The following DLGAP5 variants were observed in gnomAD, a reference collection of about 807,000 sequenced individuals.
DLGAP5 encodes disks large-associated protein 5.
DLGAP5 carries 90 observed loss-of-function variants against 99.6 expected under a neutral mutation model. The ratio of observed to expected loss-of-function variants is 0.90; its 90% CI spans 0.76 to 1.08. DLGAP5 has a LOEUF of 1.08. Ranked by LOEUF, DLGAP5 falls within the 50% of genes least tolerant of loss-of-function variation. The probability of loss-of-function intolerance (pLI) is 0.00; values close to 1 mark genes in which losing one functional copy is unlikely to be tolerated. For synonymous variants in DLGAP5, 311 were observed against 321.3 expected (o/e 0.97, Z 0.34); for missense variants, 1,036 against 983.5 (o/e 1.05, Z -0.71).
chr14:55,186,194 C>A (rs915922772), intron 2 of DLGAP5, among the ~76,000 whole-genome samples: 5 of 152,136 alleles, frequency 3.3e-5, no homozygotes, highest in Admixed American at 2.6e-4. Context: ...TCACTTGAAC[C>A]CGGGAGGCAG....
intron 16 of DLGAP5, among the ~76,000 whole-genome samples, 161 bp downstream of exon 16, chr14:55,152,429 G>GT (rs1882050824): frequency 6.6e-6 from 1 of 152,148 alleles, no homozygotes; most frequent in African/African-American, 2.4e-5. Flanking sequence ...TGACACTATG[G>GT]TTTTAAACAA....
In DLGAP5 at chr14:55,152,645, C is replaced by A; in HGVS notation, c.2066G>T (p.Ser689Ile). ...TLFLSIPESRSSIEDAQCPGL... is the reference protein window; with the variant it reads ...TLFLSIPESRISIEDAQCPGL... ...AGGACACTGAGCATCTTCTATGCTG[C>A]TCCTAAAGAAGAAAAAAAGCAGCAT... The change falls in exon 16 of 19, where the codon AGC (serine) becomes ATC (isoleucine). Residue 689 changes from serine (S) to isoleucine (I), a missense_variant and splice_region_variant. Ser to Ile is a moderately radical substitution (Grantham distance 142, BLOSUM62 -2). Transcript: ENST00000247191. 1 of 1,594,448 alleles carries A rather than the reference C, an allele frequency of 6.3e-7. No individual in the cohort carries two copies.
chr14:55,152,046 C>T (rs1882037628), intron 16 of DLGAP5, 105 bp from the exon 17 acceptor site: 1 of 1,050,204 alleles, frequency 9.5e-7, no homozygotes, highest in African/African-American at 1.6e-5. Flanking sequence ...AGGATGACAT[C>T]CCGGACACAG....
At chr14:55,168,110 C>T (rs1334278784) in intron 12 of DLGAP5, among the ~76,000 whole-genome samples, 6 of 152,090 alleles carry the variant, frequency 3.9e-5, no homozygotes, top group African/African-American at 1.4e-4. Flanking sequence ...CATGTGCAAC[C>T]ATGCCTGGCT....
chr14:55,158,892 T>C (rs1594666029), intron 13 of DLGAP5, 151 bp from the exon 14 acceptor site: 2 of 632,908 alleles, frequency 3.2e-6, no homozygotes, highest in East Asian at 2.8e-5. Flanking sequence ...ATCAAGTTCC[T>C]AGTATGTGCT....
rs1273090120 is a variant in DLGAP5, at chr14:55,191,550, A to G, written c.-89T>C. The G allele has an allele frequency of 2.6e-4, 40 of 152,516 alleles. No individual in the cohort carries two copies. The highest frequency in any genetic ancestry group is 4.4e-5 in the Non-Finnish European group (3 of 68,042). The allele number at this position is 152,516 out of a possible 1,614,324, so 9.4% of individuals were successfully genotyped here. On this transcript the variant is annotated 5_prime_UTR_variant, in exon 1 of 19. Transcript: ENST00000247191. ...GACCACCGCCGACTCCGAAGCAGGA[A>G]CCCTCACAACCCGAGCCTCCACGAA...
At chr14:55,167,220 C>A (rs1301204632) in intron 12 of DLGAP5, among the ~76,000 whole-genome samples, 17 of 149,302 alleles carry the variant, frequency 1.1e-4, no homozygotes, top group Non-Finnish European at 5.9e-5. Flanking sequence ...CGCCACCGCT[C>A]TCCAGCCTGG....
At position 55,151,732 on chromosome 14, in the gene DLGAP5, G is replaced by A; in HGVS notation, c.2331C>T (p.Ser777=). The A allele has an allele frequency of 6.2e-7, 1 of 1,613,694 alleles. No homozygotes were observed. The highest frequency in any genetic ancestry group is 8.5e-7 in the Non-Finnish European group (1 of 1,179,860). The change falls in exon 17 of 19, where the codon AGC becomes AGT. Residue 777 remains serine, a synonymous_variant. Transcript: ENST00000247191. ...SPEKNTASQN[S]ILEEGETKIS... ...TTTTAGTTTCCCCTTCTTCTAAGATGCTATTTTGTGAAGCTGTATTTTTTT... is the reference window on the plus strand; with the variant it reads ...TTTTAGTTTCCCCTTCTTCTAAGATACTATTTTGTGAAGCTGTATTTTTTT...
chr14:55,158,590 T>C lies in DLGAP5; in HGVS notation c.1805A>G (p.Lys602Arg), dbSNP rs754238015. 2.5e-5 allele frequency: 40 copies of C among 1,614,034 alleles called. No homozygotes were observed. The highest frequency in any genetic ancestry group is 3.1e-5 in the Non-Finnish European group (37 of 1,180,022). The stretch of plus-strand genomic sequence containing the variant: ...ATCGAACACTATTTTATCAACTTCC[T>C]TTGGTATCACAGAAACTGCTGTTTC... ...CAETAVSVIP[K>R]EVDKIVFDAG... is the part of the protein sequence containing the mutation. The change falls in exon 14 of 19, where the codon AAG becomes AGG. Residue 602 changes from lysine to arginine, a missense_variant. Transcript: ENST00000247191.
chr14:55,159,659 G>C (rs1026807094), intron 13 of DLGAP5, among the ~76,000 whole-genome samples: 7 of 152,142 alleles, frequency 4.6e-5, no homozygotes, highest in Non-Finnish European at 1.0e-4. Flanking sequence ...GATGCTGTCA[G>C]TTTGGGATAT....
chr14:55,186,625 TCTACAGA>T (rs1476269841), intron 2 of DLGAP5, among the ~76,000 whole-genome samples: 1 of 152,148 alleles, frequency 6.6e-6, no homozygotes, highest in Non-Finnish European at 1.5e-5. Context: ...CTCCATGTTT[TCTACAGA>T]CTACAAATTA....
rs375996766 is a variant in DLGAP5, at chr14:55,154,783, G to T, written c.1897C>A (p.Pro633Thr). ...TTAGGTGTTCCAAGTCTTTGAGAAG[G>T]GCCTTCAGAAGAGACAGAAAGTCCT... ...FSGLSVSSEG[P>T]SQRLGTPKSV... Residue 633 changes from proline to threonine, a missense_variant, in exon 15 of 19, where the codon CCT becomes ACT. Coordinates refer to ENST00000247191, the MANE Select transcript of DLGAP5 (RefSeq NM_014750.5). 2 of 1,613,856 alleles carry T rather than the reference G, an allele frequency of 1.2e-6. No individual in the cohort carries two copies. Among genetic ancestry groups the T allele is most frequent in the African/African-American group, 1.3e-5 (1 of 74,888 alleles).
At chr14:55,181,447 T>C in intron 4 of DLGAP5, 150 bp from the exon 5 acceptor site, 1 of 615,058 alleles carries the variant, frequency 1.6e-6, no homozygotes, top group East Asian at 3.0e-5. Flanking sequence ...TAAAATGAGA[T>C]AAAGAAAAGC....
At chr14:55,181,192 A>G (rs745694092) in intron 5 of DLGAP5, 21 bp downstream of exon 5, 35 of 1,603,310 alleles carry the variant, frequency 2.2e-5, no homozygotes, top group Non-Finnish European at 2.7e-5. Context: ...GAGGATTTAT[A>G]GTAATTGCTA....
intron 5 of DLGAP5, 107 bp from the exon 6 acceptor site, chr14:55,180,885 G>A (rs865901559): frequency 9.2e-6 from 13 of 1,410,566 alleles, no homozygotes; most frequent in Middle Eastern, 3.8e-4. Context: ...CTACTTGGGA[G>A]GCAGGAGGAT....
chr14:55,151,810 T>A lies in DLGAP5; in HGVS notation c.2253A>T (p.Gly751=). 1 of 1,614,066 alleles carries A rather than the reference T, an allele frequency of 6.2e-7. No individual in the cohort carries two copies. The highest frequency in any genetic ancestry group is 8.5e-7 in the Non-Finnish European group (1 of 1,179,980). Reference sequence around the variant, plus strand: ...ATGTAATTGAAGAATTCAGTTCCATTCCTTCCACAACATCTGAAATTCCTT... The same window carrying A: ...ATGTAATTGAAGAATTCAGTTCCATACCTTCCACAACATCTGAAATTCCTT... ...KKEGISDVVE[G]MELNSSITSQ... Residue 751 remains glycine (G), a synonymous_variant, in exon 17 of 19, where the codon GGA becomes GGT. Coordinates refer to ENST00000247191, the MANE Select transcript of DLGAP5 (RefSeq NM_014750.5).
chr14:55,190,732 C>A (rs534439276), intron 1 of DLGAP5, among the ~76,000 whole-genome samples: 41 of 152,304 alleles, frequency 2.7e-4, no homozygotes, highest in African/African-American at 9.4e-4. Context: ...GTCTGACCTG[C>A]ATGCTAATAA....
rs1432337872 is a variant in DLGAP5, at chr14:55,148,377, A to G, written c.2515T>C (p.Ser839Pro). Residue 839 changes from serine to proline, a missense_variant, in exon 19 of 19, where the codon TCA becomes CCA. By Grantham distance (74) the Ser-to-Pro change is moderately conservative. Coordinates refer to ENST00000247191, the MANE Select transcript of DLGAP5 (RefSeq NM_014750.5). ...ISFGGNLITF[S>P]PLQPGEF is the part of the protein sequence containing the mutation. ...CAAAATTCTCCTGGTTGTAGAGGTG[A>G]AAAAGTAATCAGGTTACCACCAAAA... The G allele has an allele frequency of 6.2e-7, 1 of 1,614,010 alleles. No individual in the cohort carries two copies. Among genetic ancestry groups the G allele is most frequent in the Non-Finnish European group, 8.5e-7 (1 of 1,179,932 alleles).
chr14:55,175,745 T>A, intron 9 of DLGAP5, 149 bp downstream of exon 9: 1 of 694,178 alleles, frequency 1.4e-6, no homozygotes, highest in Non-Finnish European at 2.3e-6. Context: ...TGAGTTCACA[T>A]CCCCAAATGA....
Sources: allele counts gnomAD v4.1 joint callset (sites outside exome capture counted in the v4.1 genomes callset), GRCh38; gene constraint gnomAD v4.1.1; transcripts MANE v1.5; gene names NCBI Gene and HGNC (gene_info 2026-07-23, HGNC 2026-07-21).